The following NEB variants were observed in gnomAD, a reference collection of about 807,000 sequenced individuals.
The protein encoded by NEB is nebulin, also known as nemaline myopathy type 2.
NEB carries 512 observed loss-of-function variants against 952.2 expected under a neutral mutation model. The ratio of observed to expected loss-of-function variants is 0.54; its 90% confidence interval spans 0.50 to 0.58. The LOEUF is 0.58. Ranked by LOEUF, NEB falls within the 20% of genes least tolerant of loss-of-function variation. NEB has a pLI of 0.00. For missense variants in NEB, 8,428 were observed against 9,231.1 expected (o/e 0.91, Z 3.56); for synonymous variants, 2,900 against 3,149.8 (o/e 0.92, Z 2.66).
Position 151,568,499 on chromosome 2 carries a change from A to G in NEB, c.17635-82T>C. On this transcript the variant is annotated intron_variant, in intron 111 of 181. Coordinates refer to ENST00000397345, the MANE Select transcript of NEB (RefSeq NM_001164508.2). ...GTTGTCCAAGCAATTGTTAGCATCC[A>G]TCATTTCAATGATTAAAATCTGTAT... 2.0e-6 allele frequency: 3 copies of G among 1,465,290 alleles called. 1 individual carries two copies. Among genetic ancestry groups the G allele is most frequent in the Non-Finnish European group, 9.5e-7 (1 of 1,048,798 alleles). The allele number at this position is 1,465,290 out of a possible 1,614,324, so 90.8% of individuals were successfully genotyped here. A position where few individuals can be genotyped will look rare whatever the true frequency, so the allele number is the denominator to read the frequency against.
intron 107 of NEB, among the ~76,000 whole-genome samples, chr2:151,572,909 TG>T (rs1422669416): frequency 6.7e-6 from 1 of 148,854 alleles, no homozygotes; most frequent in African/African-American, 2.5e-5. Flanking sequence ...TGAGACCCAA[TG>T]TTTTCAGCTA....
At chr2:151,568,741 G>A (rs1328370567) in intron 110 of NEB, 25 bp from the exon 111 acceptor site, 1 of 1,498,028 alleles carries the variant, frequency 6.7e-7, no homozygotes. Context: ...GCATCTTTTA[G>A]ATAGTTGTAA....
rs1575578013 is a variant in NEB, at chr2:151,665,516, G to T, written c.5055C>A (p.Thr1685=). The T allele has an allele frequency of 1.2e-6, 2 of 1,607,544 alleles. No individual in the cohort carries two copies. Among genetic ancestry groups the T allele is most frequent in the Middle Eastern group, 1.7e-4 (1 of 6,046 alleles). ...QSDNLYKSDF[T]NWMKGIGWVP... The stretch of plus-strand genomic sequence containing the variant: ...CCCAGCCGATCCCTTTCATCCAATT[G>T]GTGAAGTCAGATTTGTACAGATTCT... The change falls in exon 42 of 182, where the codon ACC becomes ACA. Residue 1685 remains threonine (T), a synonymous_variant. Transcript: ENST00000397345.
At chr2:151,710,577 A>C in intron 10 of NEB, 39 bp from the exon 11 acceptor site, 1 of 1,217,260 alleles carries the variant, frequency 8.2e-7, no homozygotes, top group Non-Finnish European at 1.2e-6. Context: ...AGCATAACTC[A>C]TGAATTGACA....
chr2:151,514,606 T>C (rs906711227), intron 158 of NEB, among the ~76,000 whole-genome samples, 178 bp from the exon 159 acceptor site: 1 of 152,160 alleles, frequency 6.6e-6, no homozygotes, highest in Admixed American at 6.5e-5. Context: ...AAATGAAAGC[T>C]TGAAGTTAAT....
intron 180 of NEB, 96 bp downstream of exon 180, chr2:151,490,275 AT>A: frequency 2.1e-6 from 3 of 1,449,144 alleles, no homozygotes; most frequent in South Asian, 1.4e-5. Flanking sequence ...AGGATGAAAA[AT>A]TTTTAAATTT....
At chr2:151,632,066 T>G (rs1312545448) in intron 65 of NEB, among the ~76,000 whole-genome samples, 1 of 152,192 alleles carries the variant, frequency 6.6e-6, no homozygotes, top group African/African-American at 2.4e-5. Context: ...AATTTCATTG[T>G]GCAGGGCCCC....
Position 151,677,937 on chromosome 2 carries a change from G to C in NEB, c.3506C>G (p.Thr1169Ser). Residue 1169 changes from threonine to serine, a missense_variant, in exon 33 of 182, where the codon ACC becomes AGC. This residue lies in a region of NEB where 2,851 missense variants were observed against 2,791.5 expected (regional missense o/e 1.02). Coordinates refer to ENST00000397345, the MANE Select transcript of NEB (RefSeq NM_001164508.2). ...VNYKHSLHHY[T>S]YLPDAMDLEL... Reference sequence around the variant, plus strand: ...CAGGTCCATGGCGTCAGGCAAGTAGGTGTAATGATGGAGAGAATGCTTATA... The same window carrying C: ...CAGGTCCATGGCGTCAGGCAAGTAGCTGTAATGATGGAGAGAATGCTTATA... The C allele has an allele frequency of 6.2e-7, 1 of 1,613,882 alleles. No individual in the cohort carries two copies. The highest frequency in any genetic ancestry group is 8.5e-7 in the Non-Finnish European group (1 of 1,179,824).
intron 175 of NEB, 70 bp from the exon 176 acceptor site, chr2:151,493,515 G>C (rs2058116879): frequency 9.9e-7 from 1 of 1,007,308 alleles, no homozygotes; most frequent in African/African-American, 1.6e-5. Context: ...TCACTTAGCT[G>C]GTGTTATGGC....
In NEB at chr2:151,576,370, C is replaced by T. The variant is rs1028250676; in HGVS notation, c.16705-16G>A. ...TGTAGAGGGCCTGAAAAAGAAAACA[C>T]AGGTAGAAGCAGGGTTTGTGTTTTG... On this transcript the variant is annotated splice_polypyrimidine_tract_variant and intron_variant, in intron 105 of 181. Transcript: ENST00000397345. 1 of 1,572,940 alleles carries T rather than the reference C, an allele frequency of 6.4e-7. No homozygotes were observed. Among genetic ancestry groups the T allele is most frequent in the African/African-American group, 1.4e-5 (1 of 73,780 alleles).
intron 27 of NEB, among the ~76,000 whole-genome samples, chr2:151,686,517 T>C (rs1048278938): frequency 1.3e-5 from 2 of 152,232 alleles, no homozygotes; most frequent in Admixed American, 1.3e-4. Context: ...GTGAGCACTA[T>C]ATACTGACAT....
At chr2:151,661,715 G>A (rs1175922559) in intron 46 of NEB, among the ~76,000 whole-genome samples, 2 of 152,160 alleles carry the variant, frequency 1.3e-5, no homozygotes, top group Non-Finnish European at 2.9e-5. Context: ...TTGAAATGCT[G>A]CTACAGGCAT....
Position 151,662,301 on chromosome 2 carries a change from A to C in NEB, c.5804T>G (p.Ile1935Ser), listed in dbSNP as rs906258647. The C allele has an allele frequency of 6.2e-7, 1 of 1,613,488 alleles. No homozygotes were observed. Among genetic ancestry groups the C allele is most frequent in the African/African-American group, 1.3e-5 (1 of 74,886 alleles). ...CAGGGAGCCCAGAGGGAGCCATCCA[A>C]TGCCCTTCATGAAGTCAGCATAGTC... ...KADYADFMKG[I>S]GWLPLGSLEA... is the part of the protein sequence containing the mutation. Residue 1935 changes from isoleucine (I) to serine (S), a missense_variant, in exon 46 of 182, where the codon ATT (isoleucine) becomes AGT (serine). Coordinates refer to ENST00000397345, the MANE Select transcript of NEB (RefSeq NM_001164508.2).
intron 64 of NEB, among the ~76,000 whole-genome samples, 160 bp downstream of exon 64, chr2:151,636,067 A>T (rs923253185): frequency 6.6e-6 from 1 of 152,192 alleles, no homozygotes; most frequent in African/African-American, 2.4e-5. Context: ...TATAAACATC[A>T]AGATTTTCAT....
Position 151,488,436 on chromosome 2 carries a change from T to C in NEB, c.25404+1535A>G, listed in dbSNP as rs149298863. 2.3e-3 allele frequency among the ~76,000 whole-genome samples: 340 copies of C among 146,856 alleles called. 7 individuals carry two copies. The East Asian group carries it at 0.045, about 19-fold the overall frequency. Reference sequence around the variant, plus strand: ...CCAAAGCAGGCAGAGGGCTTGAGCCTAGGGGTTTGAGACCAGCCTGGGCAA... The same window carrying C: ...CCAAAGCAGGCAGAGGGCTTGAGCCCAGGGGTTTGAGACCAGCCTGGGCAA... On this transcript the variant is annotated intron_variant, in intron 181 of 181. Transcript: ENST00000397345.
chr2:151,723,470 T>A lies in NEB; in HGVS notation c.629A>T (p.Asp210Val). 1 of 1,606,670 alleles carries A rather than the reference T, an allele frequency of 6.2e-7. No individual in the cohort carries two copies. Among genetic ancestry groups the A allele is most frequent in the Non-Finnish European group, 8.5e-7 (1 of 1,176,220 alleles). The change falls in exon 9 of 182, where the codon GAC becomes GTC. Residue 210 changes from aspartate to valine, a missense_variant. Physicochemically the swap from Asp to Val is radical, Grantham distance 152. Around this residue, in one of 11 missense-constraint regions of NEB, gnomAD observed 2,851 missense variants for 2,791.5 expected, o/e 1.02. Transcript: ENST00000397345. Reference sequence around the variant, plus strand: ...AAACAAACTTTTGTCTGCTTCCCAGTCTTCAGTGTACAGTTTCTAAATCAA... The same window carrying A: ...AAACAAACTTTTGTCTGCTTCCCAGACTTCAGTGTACAGTTTCTAAATCAA... ...AMFSKKLYTE[D>V]WEADKSLFYP... is the part of the protein sequence containing the mutation.
chr2:151,493,008 TA>T, intron 176 of NEB: 1 of 246,766 alleles, frequency 4.1e-6, no homozygotes, highest in Non-Finnish European at 7.9e-6. Flanking sequence ...ATCTTAAAAC[TA>T]AAGGAGAGCA....
intron 171 of NEB, 162 bp downstream of exon 171, chr2:151,497,464 G>A: frequency 2.0e-6 from 2 of 982,410 alleles, no homozygotes; most frequent in Non-Finnish European, 1.2e-6. Flanking sequence ...TGGGAATGGT[G>A]TTAGGCTAGA....
Position 151,490,470 on chromosome 2 carries a change from A to C in NEB, c.25199T>G (p.Leu8400Arg). Residue 8400 changes from leucine (L) to arginine (R), a missense_variant, in exon 180 of 182, where the codon CTA (leucine) becomes CGA (arginine). Transcript: ENST00000397345. ...SREQSRSASALSISGGEEKSE... is the reference protein window; with the variant it reads ...SREQSRSASARSISGGEEKSE... ...CTTCTCCTCACCCCCACTGATGCTT[A>C]GTGCACTGGCAGATCGTGACTGCTC... is the stretch of plus-strand genomic sequence containing the variant. The C allele has an allele frequency of 6.2e-7, 1 of 1,608,964 alleles. No individual in the cohort carries two copies. Among genetic ancestry groups the C allele is most frequent in the Non-Finnish European group, 8.5e-7 (1 of 1,177,768 alleles).
Sources: gnomAD v4.1 joint callset for allele counts (sites outside exome capture counted in the v4.1 genomes callset) on GRCh38, gnomAD v4.1.1 for gene constraint, gnomAD v4.1.1 regional missense constraint, MANE v1.5 for transcripts, NCBI Gene and HGNC (gene_info 2026-07-23, HGNC 2026-07-21) for gene names.